CEP162: variants seen among roughly 807,000 people sequenced by gnomAD.
The protein encoded by CEP162 is centrosomal protein of 162 kDa.
In CEP162, 141 loss-of-function variants were observed where a neutral mutation model predicts 169.2. The ratio of observed to expected loss-of-function variants is 0.83; its 90% confidence interval spans 0.73 to 0.96. The LOEUF (loss-of-function observed/expected upper bound fraction) is 0.96. Among genes scored for constraint, CEP162 ranks in the 40% least tolerant of loss-of-function variants. The pLI is 0.00. For synonymous variants in CEP162, 540 were observed against 526.4 expected (o/e 1.03, Z -0.35); for missense variants, 1,600 against 1,587.2 (o/e 1.01, Z -0.14).
At chr6:84,125,505 C>T (rs1377859503) in intron 26 of CEP162, among the ~76,000 whole-genome samples, 5 of 152,008 alleles carry the variant, frequency 3.3e-5, no homozygotes, top group African/African-American at 1.2e-4. Context: ...TTTCCTAACC[C>T]TTAATGTGAC....
intron 10 of CEP162, among the ~76,000 whole-genome samples, chr6:84,194,606 A>T (rs1452077264): frequency 6.6e-6 from 1 of 152,006 alleles, no homozygotes; most frequent in African/African-American, 2.4e-5. Context: ...GGCGTGTGCC[A>T]CCATGCCCAG....
rs1162698360 is a variant in CEP162, at chr6:84,204,101, A to G, written c.572-5T>C. On this transcript the variant is annotated splice_polypyrimidine_tract_variant and splice_region_variant and intron_variant, in intron 6 of 26. Coordinates refer to ENST00000403245, the MANE Select transcript of CEP162 (RefSeq NM_014895.4). The stretch of plus-strand genomic sequence containing the variant: ...CAAAATCATCACTGTAATTTTCTGA[A>G]GAAAGTAATTTTTAAAAGTACAAAG... 1.4e-5 allele frequency: 22 copies of G among 1,549,944 alleles called. No homozygotes were observed. Among genetic ancestry groups the G allele is most frequent in the Non-Finnish European group, 1.9e-5 (22 of 1,136,160 alleles).
chr6:84,206,305 C>T (rs2099546976), intron 6 of CEP162, among the ~76,000 whole-genome samples: 1 of 150,072 alleles, frequency 6.7e-6, no homozygotes, highest in Non-Finnish European at 1.5e-5. Flanking sequence ...CATCATGCTA[C>T]CTGACTTCAA....
intron 2 of CEP162, among the ~76,000 whole-genome samples, chr6:84,221,411 CA>C (rs1354062781): frequency 6.6e-6 from 1 of 152,064 alleles, no homozygotes; most frequent in Non-Finnish European, 1.5e-5. Flanking sequence ...AGAATAACAA[CA>C]AAGACGTAAA....
intron 6 of CEP162, among the ~76,000 whole-genome samples, chr6:84,211,076 T>C (rs1219273438): frequency 6.6e-6 from 1 of 151,794 alleles, no homozygotes; most frequent in African/African-American, 2.4e-5. Context: ...CGAAACTAAA[T>C]AGCCAACAGA....
chr6:84,146,841 A>AAAAAT, intron 24 of CEP162, 56 bp from the exon 25 acceptor site: 1 of 906,932 alleles, frequency 1.1e-6, no homozygotes, highest in Non-Finnish European at 1.7e-6. Flanking sequence ...ACACTATCTG[A>AAAAAT]AAAATATAAG....
intron 21 of CEP162, among the ~76,000 whole-genome samples, chr6:84,156,976 G>T (rs961828772): frequency 6.6e-6 from 1 of 152,130 alleles, no homozygotes; most frequent in South Asian, 2.1e-4. Context: ...GGCAGGGTGG[G>T]AGGGGGTGAG....
At chr6:84,174,516 G>T (rs1019688489) in intron 15 of CEP162, among the ~76,000 whole-genome samples, 11 of 152,082 alleles carry the variant, frequency 7.2e-5, no homozygotes, top group African/African-American at 2.2e-4. Flanking sequence ...CCATAAAAAT[G>T]AGCCAATTTA....
Position 84,204,919 on chromosome 6 carries a change from A to G in CEP162, c.572-823T>C, listed in dbSNP as rs571936845. Among the ~76,000 whole-genome samples the G allele has an allele frequency of 6.6e-5, 10 of 152,328 alleles. No homozygotes were observed. In the South Asian group the frequency reaches 2.1e-3, roughly 32 times the overall value. ...CACCACCGATCCCACAGAAATACAA[A>G]CCACCATCGGAGAATACTATAAACA... On this transcript the variant is annotated intron_variant, in intron 6 of 26. Coordinates refer to ENST00000403245, the MANE Select transcript of CEP162 (RefSeq NM_014895.4).
rs2099551169 is a variant in CEP162 at position 84,215,413 on chromosome 6, T to C, written c.372A>G (p.Thr124=). ...GTTCTTTCTCCTCTTGTTCTTCTAA[T>C]GTGTCCAATCCCACTCCGAGACTAC... ...NHSSLGVGLD[T]LEEQEEKEQF... Residue 124 remains threonine, a synonymous_variant, in exon 5 of 27, where the codon ACA becomes ACG. Coordinates refer to ENST00000403245, the MANE Select transcript of CEP162 (RefSeq NM_014895.4). 1 of 1,611,368 alleles carries C rather than the reference T, an allele frequency of 6.2e-7. No individual in the cohort carries two copies. The highest frequency in any genetic ancestry group is 8.5e-7 in the Non-Finnish European group (1 of 1,178,634).
At chr6:84,125,834 A>C (rs1394955137) in intron 26 of CEP162, among the ~76,000 whole-genome samples, 1 of 152,176 alleles carries the variant, frequency 6.6e-6, no homozygotes, top group Non-Finnish European at 1.5e-5. Flanking sequence ...TTAGCCACCC[A>C]ATTTATGATA....
chr6:84,212,809 C>A, intron 6 of CEP162, 148 bp downstream of exon 6: 1 of 534,966 alleles, frequency 1.9e-6, no homozygotes, highest in Non-Finnish European at 3.2e-6. Context: ...AATTTCTTAG[C>A]AGCTCAGTTT....
Position 84,175,034 on chromosome 6 carries a change from A to G in CEP162, c.1798-80T>C. ...ACAGGTGGTTAATTAAAAAAAGAAT[A>G]AAAAGGACATGGTTAATAATGTTCT... is the stretch of plus-strand genomic sequence containing the variant. On this transcript the variant is annotated intron_variant, in intron 14 of 26. Transcript: ENST00000403245. 3 of 1,025,854 alleles carry G rather than the reference A, an allele frequency of 2.9e-6. No homozygotes were observed. In the African/African-American group the frequency reaches 4.9e-5, roughly 17 times the overall value. The allele number at this position is 1,025,854 out of a possible 1,614,324, so 63.5% of individuals were successfully genotyped here.
Position 84,124,819 on chromosome 6 carries a change from C to A in CEP162, c.*251G>T. ...TTCTATTTCTAGCATACAAGTGAGC[C>A]CTTCTCTGCTATAAAGGAAACTGTC... On this transcript the variant is annotated 3_prime_UTR_variant, in exon 27 of 27. Transcript: ENST00000403245. 1 of 461,624 alleles carries A rather than the reference C, an allele frequency of 2.2e-6. No individual in the cohort carries two copies. The highest frequency in any genetic ancestry group is 3.1e-5 in the South Asian group (1 of 32,236). 28.6% of individuals were successfully genotyped at this position (461,624 alleles called of 1,614,324 possible).
At chr6:84,170,279 C>G (rs1284667257) in intron 17 of CEP162, among the ~76,000 whole-genome samples, 2 of 141,178 alleles carry the variant, frequency 1.4e-5, no homozygotes, top group Admixed American at 1.6e-4. Flanking sequence ...GAGGCTGAGG[C>G]AGGAGAATGG....
chr6:84,158,728 G>T (rs1187250819), intron 21 of CEP162, among the ~76,000 whole-genome samples: 3 of 151,932 alleles, frequency 2.0e-5, no homozygotes, highest in Non-Finnish European at 4.4e-5. Context: ...AGTAAAAAGA[G>T]AACTAGGTTT....
intron 25 of CEP162, among the ~76,000 whole-genome samples, chr6:84,129,895 G>A (rs930078263): frequency 6.6e-6 from 1 of 152,074 alleles, no homozygotes; most frequent in African/African-American, 2.4e-5. Context: ...CCATTACTAA[G>A]TTGAATTGAA....
intron 19 of CEP162, 22 bp downstream of exon 19, chr6:84,163,122 C>T: frequency 6.2e-7 from 1 of 1,610,356 alleles, no homozygotes. Context: ...TAAAGGTACA[C>T]TGTTTCAGCT....
At chr6:84,211,895 C>CAAAA (rs577310104) in intron 6 of CEP162, among the ~76,000 whole-genome samples, 3 of 104,726 alleles carry the variant, frequency 2.9e-5, no homozygotes, top group Non-Finnish European at 4.1e-5. Flanking sequence ...GTCAAATTGC[C>CAAAA]AAAAAAAAAA....
Sources: allele counts gnomAD v4.1 joint callset (sites outside exome capture counted in the v4.1 genomes callset), GRCh38; gene constraint gnomAD v4.1.1; transcripts MANE v1.5; gene names NCBI Gene and HGNC (gene_info 2026-07-23, HGNC 2026-07-21).